Variants in EBF1 observed in about 807,000 individuals in gnomAD.
The protein encoded by EBF1 is transcription factor COE1.
A neutral mutation model predicts 68.4 loss-of-function variants in EBF1; 10 were observed. The observed-to-expected ratio is 0.15, with a 90% CI of 0.09 to 0.25. EBF1 has a LOEUF of 0.25. Ranked by LOEUF, EBF1 falls within the 10% of genes least tolerant of loss-of-function variation. The pLI is 1.00. For missense variants in EBF1, 509 were observed against 794.4 expected (o/e 0.64, Z 4.32); for synonymous variants, 298 against 299.8 (o/e 0.99, Z 0.06).
At chr5:158,724,678 G>A (rs1422908666) in intron 11 of EBF1, among the ~76,000 whole-genome samples, 1 of 152,178 alleles carries the variant, frequency 6.6e-6, no homozygotes, top group Non-Finnish European at 1.5e-5. Context: ...AGCAAAAACA[G>A]TGCCTGTGAC....
intron 15 of EBF1, among the ~76,000 whole-genome samples, chr5:158,703,705 T>C (rs1757252298): frequency 6.6e-6 from 1 of 151,592 alleles, no homozygotes; most frequent in Admixed American, 6.6e-5. Flanking sequence ...CTGTGAATCC[T>C]ACTGGTCACC....
At chr5:158,761,843 A>G (rs1479314869) in intron 10 of EBF1, among the ~76,000 whole-genome samples, 1 of 152,222 alleles carries the variant, frequency 6.6e-6, no homozygotes, top group Non-Finnish European at 1.5e-5. Flanking sequence ...CTGTTTTATT[A>G]CATTAAGGTT....
chr5:159,000,444 T>C (rs1362854320), intron 6 of EBF1, among the ~76,000 whole-genome samples: 1 of 151,168 alleles, frequency 6.6e-6, no homozygotes, highest in African/African-American at 2.5e-5. Flanking sequence ...AGTAGTTATT[T>C]TCTGTTTTGT....
intron 6 of EBF1, among the ~76,000 whole-genome samples, chr5:158,945,288 A>G (rs1561588614): frequency 6.6e-6 from 1 of 152,202 alleles, no homozygotes; most frequent in Non-Finnish European, 1.5e-5. Flanking sequence ...TTTTCTGCAT[A>G]CAGCTGGACA....
chr5:158,901,842 G>A (rs890651271), intron 6 of EBF1, among the ~76,000 whole-genome samples: 1 of 152,216 alleles, frequency 6.6e-6, no homozygotes, highest in South Asian at 2.1e-4. Context: ...TGTAATACCA[G>A]CACTTTGGGA....
intron 12 of EBF1, among the ~76,000 whole-genome samples, chr5:158,713,882 A>G (rs1240323525): frequency 6.6e-6 from 1 of 152,222 alleles, no homozygotes; most frequent in Non-Finnish European, 1.5e-5. Context: ...CCCACTAAAG[A>G]TTAGTTTTAA....
chr5:158,833,402 T>G (rs906842341), intron 7 of EBF1, among the ~76,000 whole-genome samples: 1 of 152,198 alleles, frequency 6.6e-6, no homozygotes, highest in African/African-American at 2.4e-5. Flanking sequence ...GCAGTTACAA[T>G]TTCTAATATT....
intron 6 of EBF1, among the ~76,000 whole-genome samples, chr5:158,865,696 T>C (rs1399599162): frequency 2.0e-5 from 3 of 152,166 alleles, no homozygotes; most frequent in Non-Finnish European, 4.4e-5. Context: ...CTACTAAAAC[T>C]TTTCCCCCAG....
chr5:158,803,525 G>A (rs747075569), intron 8 of EBF1, among the ~76,000 whole-genome samples: 1 of 151,964 alleles, frequency 6.6e-6, no homozygotes, highest in Non-Finnish European at 1.5e-5. Flanking sequence ...CCATGCACAG[G>A]AGGCAAATCT....
At chr5:158,787,278 G>A (rs1777644443) in intron 9 of EBF1, among the ~76,000 whole-genome samples, 1 of 152,156 alleles carries the variant, frequency 6.6e-6, no homozygotes, top group Non-Finnish European at 1.5e-5. Context: ...ATATAGTTCT[G>A]TGTTTGCTTT....
At chr5:159,047,792 G>T (rs902466448) in intron 6 of EBF1, among the ~76,000 whole-genome samples, 2 of 152,078 alleles carry the variant, frequency 1.3e-5, no homozygotes, top group African/African-American at 2.4e-5. Context: ...TCCCACGGGG[G>T]TATAACCTTT....
chr5:158,888,939 C>A (rs1358014520), intron 6 of EBF1, among the ~76,000 whole-genome samples: 1 of 152,116 alleles, frequency 6.6e-6, no homozygotes, highest in Non-Finnish European at 1.5e-5. Context: ...AATTTTCTTC[C>A]CTTTACTTCT....
At chr5:159,040,242 G>A (rs183801917) in intron 6 of EBF1, among the ~76,000 whole-genome samples, 4 of 152,222 alleles carry the variant, frequency 2.6e-5, no homozygotes, top group East Asian at 1.9e-4. Context: ...TCTCTCTGTC[G>A]CTGAGTGAGA....
chr5:159,081,470 A>G (rs908342774), intron 5 of EBF1, among the ~76,000 whole-genome samples: 6 of 152,242 alleles, frequency 3.9e-5, no homozygotes, highest in Non-Finnish European at 1.5e-5. Context: ...TGGGTCACGC[A>G]ACACATCCTT....
At chr5:158,774,132 G>A (rs1774515554) in intron 10 of EBF1, among the ~76,000 whole-genome samples, 1 of 152,150 alleles carries the variant, frequency 6.6e-6, no homozygotes, top group South Asian at 2.1e-4. Flanking sequence ...TCCAGAGTCT[G>A]TGACTCTGAT....
At chr5:158,918,839 C>T (rs898712902) in intron 6 of EBF1, among the ~76,000 whole-genome samples, 3 of 152,208 alleles carry the variant, frequency 2.0e-5, no homozygotes, top group African/African-American at 7.2e-5. Flanking sequence ...TAGGAAGCTC[C>T]GTTCTGGTAC....
intron 10 of EBF1, among the ~76,000 whole-genome samples, chr5:158,742,923 T>A (rs1766731931): frequency 6.6e-6 from 1 of 152,218 alleles, no homozygotes; most frequent in Non-Finnish European, 1.5e-5. Context: ...GTTTAATTAA[T>A]TAAATAAAAT....
chr5:158,950,589 C>T (rs1815748241), intron 6 of EBF1, among the ~76,000 whole-genome samples: 1 of 152,192 alleles, frequency 6.6e-6, no homozygotes, highest in African/African-American at 2.4e-5. Context: ...AAATTGGCCC[C>T]GTTCTGAGGA....
chr5:159,019,548 C>T (rs1766267398), intron 6 of EBF1, among the ~76,000 whole-genome samples: 2 of 152,126 alleles, frequency 1.3e-5, no homozygotes, highest in Admixed American at 1.3e-4. Flanking sequence ...TATAAAAATG[C>T]TAAATTATTT....
Sources: gnomAD v4.1 joint callset for allele counts (sites outside exome capture counted in the v4.1 genomes callset) on GRCh38, gnomAD v4.1.1 for gene constraint, MANE v1.5 for transcripts, NCBI Gene and HGNC (gene_info 2026-07-23, HGNC 2026-07-21) for gene names.